The following CRYBG3 variants were observed in gnomAD, a reference collection of about 807,000 sequenced individuals.
CRYBG3 encodes the protein very large A-kinase anchor protein.
In CRYBG3, 127 loss-of-function variants were observed where a neutral mutation model predicts 244.2. That is an observed-to-expected ratio of 0.52 (90% CI 0.45 to 0.60). CRYBG3 has a LOEUF of 0.60. Ranked by LOEUF, CRYBG3 falls within the 20% of genes least tolerant of loss-of-function variation. The pLI is 0.00. For missense variants in CRYBG3, 3,325 were observed against 3,442.5 expected, an observed-to-expected ratio of 0.97 and a Z score of 0.85; for synonymous variants, 1,132 against 1,195.8, an observed-to-expected ratio of 0.95 and a Z score of 1.10.
intron 6 of CRYBG3, 144 bp downstream of exon 6, chr3:97,880,244 AGT>A: frequency 1.8e-6 from 1 of 561,618 alleles, no homozygotes; most frequent in South Asian, 2.5e-5. Context: ...CATTATTATT[AGT>A]GTGTTATAAC....
intron 17 of CRYBG3, among the ~76,000 whole-genome samples, chr3:97,923,776 C>T (rs183007237): frequency 6.6e-6 from 1 of 151,776 alleles, no homozygotes; most frequent in East Asian, 1.9e-4. Flanking sequence ...AGTTTTTTTC[C>T]TAGGAATTTT....
At position 97,876,535 on chromosome 3, in the gene CRYBG3, G is replaced by A. The variant is rs6786354; in HGVS notation, c.5341G>A (p.Val1781Met). 0.5 allele frequency: 618,298 copies of A among 1,231,604 alleles called. 157,675 individuals are homozygous for A. The highest frequency in any genetic ancestry group is 0.7 in the East Asian group (22,285 of 31,668). 76.3% of individuals were successfully genotyped at this position (1,231,604 alleles called of 1,614,324 possible). Residue 1781 changes from valine (V) to methionine (M), a missense_variant, in exon 4 of 22, where the codon GTG (valine) becomes ATG (methionine). Transcript: ENST00000389622. ...KGFTGNTEGS[V>M]LKMEATYRKT... is the part of the protein sequence containing the mutation. ...TTTTACCGGGAACACTGAAGGGTCT[G>A]TGTTGAAAATGGAAGCTACTTACCG...
chr3:97,886,627 TCAGG>T lies in CRYBG3; in HGVS notation c.7153-3_7153del. On this transcript the variant is annotated splice_acceptor_variant and splice_polypyrimidine_tract_variant and coding_sequence_variant and intron_variant, in exon 8 of 22. Coordinates refer to ENST00000389622, the MANE Select transcript of CRYBG3 (RefSeq NM_153605.4). LOFTEE classifies it high-confidence loss of function. ...TTCAAAGCCAAATTATTTTTTTTTT[TCAGG>T]ACTGCAGCATTCCAGAAATAGAGCT... 6.3e-7 allele frequency: 1 copy of T among 1,590,876 alleles called. No individual in the cohort carries two copies.
Position 97,892,958 on chromosome 3 carries a change from T to C in CRYBG3, c.7539T>C (p.Phe2513=). Residue 2513 remains phenylalanine (F), a synonymous_variant, in exon 11 of 22, where the codon TTT becomes TTC. Transcript: ENST00000389622. ...VPNFLKNNGD[F]HRIGSIRVIG... Reference sequence around the variant, plus strand: ...ATTTTTTGAAAAATAATGGAGATTTTCACAGAATTGGATCAATTCGTGTCA... The same window carrying C: ...ATTTTTTGAAAAATAATGGAGATTTCCACAGAATTGGATCAATTCGTGTCA... 2 of 1,603,800 alleles carry C rather than the reference T, an allele frequency of 1.2e-6. No homozygotes were observed. Among genetic ancestry groups the C allele is most frequent in the Non-Finnish European group, 1.7e-6 (2 of 1,176,044 alleles).
rs1169937180 is a variant in CRYBG3 at position 97,872,461 on chromosome 3, A to G, written c.1267A>G (p.Arg423Gly). The change falls in exon 4 of 22, where the codon AGA becomes GGA. Residue 423 changes from arginine to glycine, a missense_variant. By Grantham distance (125) the Arg-to-Gly change is moderately radical. Around this residue, in one of 4 missense-constraint regions of CRYBG3, gnomAD observed 1,526 missense variants for 1,443.2 expected, o/e 1.06. Transcript: ENST00000389622. Reference protein sequence around the residue: ...TVMSNRTLVQREELVEPQGPA... With the variant: ...TVMSNRTLVQGEELVEPQGPA... ...GATGAGTAATAGGACATTGGTGCAAAGAGAGGAGCTTGTTGAGCCTCAGGG... is the reference window on the plus strand; with the variant it reads ...GATGAGTAATAGGACATTGGTGCAAGGAGAGGAGCTTGTTGAGCCTCAGGG... The G allele has an allele frequency of 2.6e-6, 4 of 1,536,020 alleles. No homozygotes were observed. The highest frequency in any genetic ancestry group is 2.4e-5 in the East Asian group (1 of 40,906).
chr3:97,826,731 G>C (rs367753347), intron 1 of CRYBG3, among the ~76,000 whole-genome samples: 1 of 152,170 alleles, frequency 6.6e-6, no homozygotes, highest in African/African-American at 2.4e-5. Flanking sequence ...GTCTCATATG[G>C]TGCAAAGCAA....
At chr3:97,930,244 C>T (rs2040083316) in intron 17 of CRYBG3, among the ~76,000 whole-genome samples, 1 of 151,970 alleles carries the variant, frequency 6.6e-6, no homozygotes, top group Non-Finnish European at 1.5e-5. Flanking sequence ...ACTGGCCAGG[C>T]TCCTTGCCAT....
intron 17 of CRYBG3, among the ~76,000 whole-genome samples, chr3:97,917,197 C>A (rs1273886042): frequency 6.6e-6 from 1 of 151,920 alleles, no homozygotes; most frequent in Non-Finnish European, 1.5e-5. Context: ...GGTTATAATT[C>A]CTTTAGATTC....
In CRYBG3 at chr3:97,880,050, T is replaced by C; in HGVS notation, c.6954T>C (p.Ala2318=). Residue 2318 remains alanine (A), a synonymous_variant, in exon 6 of 22, where the codon GCT becomes GCC. Coordinates refer to ENST00000389622, the MANE Select transcript of CRYBG3 (RefSeq NM_153605.4). ...AAGTCTACTGTAATATTCCTGATGC[T>C]ACATCATGGTCTTTTCCAAATGGAG... ...KQEVYCNIPD[A]TSWSFPNGVL... is the part of the protein sequence containing the mutation. 1.2e-6 allele frequency: 2 copies of C among 1,603,894 alleles called. No individual in the cohort carries two copies. The highest frequency in any genetic ancestry group is 1.7e-6 in the Non-Finnish European group (2 of 1,173,472).
chr3:97,868,565 A>T (rs2039264229), intron 3 of CRYBG3, among the ~76,000 whole-genome samples: 1 of 152,180 alleles, frequency 6.6e-6, no homozygotes, highest in Non-Finnish European at 1.5e-5. Context: ...CCAGTGCAGC[A>T]TATTAGTTAG....
rs375519897 is a variant in CRYBG3, at chr3:97,896,055, C to G, written c.7671C>G (p.Ser2557Arg). The G allele has an allele frequency of 3.1e-6, 5 of 1,611,894 alleles. No individual in the cohort carries two copies. In the East Asian group the frequency reaches 1.1e-4, roughly 36 times the overall value. Residue 2557 changes from serine (S) to arginine (R), a missense_variant, in exon 12 of 22, where the codon AGC becomes AGG. By Grantham distance (110) the Ser-to-Arg change is moderately radical. Transcript: ENST00000389622. The part of the protein sequence containing the change: ...EDSNACGALS[S>R]PILSFRYLQA... ...GTAATGCTTGTGGTGCATTAAGTAGCCCTATCTTGTCTTTCCGGTACTTAC... is the reference window on the plus strand; with the variant it reads ...GTAATGCTTGTGGTGCATTAAGTAGGCCTATCTTGTCTTTCCGGTACTTAC...
Position 97,942,398 on chromosome 3 carries a change from A to T in CRYBG3, c.8779A>T (p.Thr2927Ser). The change falls in exon 21 of 22, where the codon ACT (threonine) becomes TCT (serine). Residue 2927 changes from threonine (T) to serine (S), a missense_variant. Thr to Ser is a moderately conservative substitution (Grantham distance 58). Around this residue, in one of 4 missense-constraint regions of CRYBG3, gnomAD observed 714 missense variants for 803.6 expected, o/e 0.89. Coordinates refer to ENST00000389622, the MANE Select transcript of CRYBG3 (RefSeq NM_153605.4). ...GAAGTGGAGACTGAATAAAAATGGA[A>T]CTATCAGCTCTTATCTCAGTGATCA... ...RQKWRLNKNG[T>S]ISSYLSDQLV... 6.2e-7 allele frequency: 1 copy of T among 1,611,794 alleles called. No individual in the cohort carries two copies. The highest frequency in any genetic ancestry group is 1.1e-5 in the South Asian group (1 of 90,912).
chr3:97,898,748 C>T lies in CRYBG3; in HGVS notation c.7702-135C>T. 7.1e-6 allele frequency: 4 copies of T among 564,240 alleles called. No homozygotes were observed. In the South Asian group the frequency reaches 1.1e-4, roughly 15 times the overall value. 35.0% of individuals were successfully genotyped at this position (564,240 alleles called of 1,614,324 possible). On this transcript the variant is annotated intron_variant, in intron 12 of 21. Transcript: ENST00000389622. ...GAAGTAATAGCTATAAAATTGTTTC[C>T]AGGGCCATCTAAAATTCTTCCTGGA...
At chr3:97,825,205 A>T (rs1364625460) in intron 1 of CRYBG3, among the ~76,000 whole-genome samples, 1 of 152,240 alleles carries the variant, frequency 6.6e-6, no homozygotes, top group Non-Finnish European at 1.5e-5. Context: ...TCTAGATTTA[A>T]GGCTCAGAGA....
At position 97,936,647 on chromosome 3, in the gene CRYBG3, G is replaced by C. The variant is rs2040166444; in HGVS notation, c.8382-138G>C. On this transcript the variant is annotated intron_variant, in intron 18 of 21. Coordinates refer to ENST00000389622, the MANE Select transcript of CRYBG3 (RefSeq NM_153605.4). ...TTTCTCCTATACCTCCCTGATTTTT[G>C]TTAGGAAAAAATGTGCAATTTTAAA... 10 of 821,370 alleles carry C rather than the reference G, an allele frequency of 1.2e-5. No individual in the cohort carries two copies. In the Admixed American group the frequency reaches 2.4e-4, roughly 20 times the overall value. 50.9% of individuals were successfully genotyped at this position (821,370 alleles called of 1,614,324 possible). A position where few individuals can be genotyped will look rare whatever the true frequency, so the allele number is the denominator to read the frequency against.
chr3:97,863,404 A>G (rs1432588901), intron 2 of CRYBG3, among the ~76,000 whole-genome samples: 1 of 152,162 alleles, frequency 6.6e-6, no homozygotes, highest in Admixed American at 6.6e-5. Context: ...TTGCTTTACC[A>G]GTAACTTAAC....
At chr3:97,861,095 G>A (rs1023943919) in intron 2 of CRYBG3, among the ~76,000 whole-genome samples, 1 of 151,890 alleles carries the variant, frequency 6.6e-6, no homozygotes, top group African/African-American at 2.4e-5. Context: ...AGTTATCTGT[G>A]ACCATATTAT....
chr3:97,829,787 A>G (rs1347098430), intron 1 of CRYBG3, among the ~76,000 whole-genome samples: 2 of 152,198 alleles, frequency 1.3e-5, no homozygotes, highest in Non-Finnish European at 2.9e-5. Flanking sequence ...GCATGCATGC[A>G]GTTTTGTGGG....
At chr3:97,942,631 G>A (rs2040257162) in intron 21 of CRYBG3, 188 bp downstream of exon 21, 3 of 534,044 alleles carry the variant, frequency 5.6e-6, no homozygotes, top group Admixed American at 3.5e-5. Context: ...AAACAACAAA[G>A]CTTAGGGTTT....
Sources: allele counts gnomAD v4.1 joint callset (sites outside exome capture counted in the v4.1 genomes callset), GRCh38; gene constraint gnomAD v4.1.1; regional missense constraint gnomAD v4.1.1; transcripts MANE v1.5; gene names NCBI Gene and HGNC (gene_info 2026-07-23, HGNC 2026-07-21).